The following MRGPRX2 variants were observed in gnomAD, a reference collection of about 807,000 sequenced individuals.
MRGPRX2 encodes the protein MAS related GPR family member X2.
For missense variants in MRGPRX2, 389 were observed against 404.5 expected, an observed-to-expected ratio of 0.96 and a Z score of 0.33; for synonymous variants, 183 against 175.6, an observed-to-expected ratio of 1.04 and a Z score of -0.33.
chr11:19,056,360 C>T lies in MRGPRX2; in HGVS notation c.43G>A (p.Val15Met). The stretch of plus-strand genomic sequence containing the variant: ...AGAAGGGCTTGGTCATTTCCATTCA[C>T]TGTTGTACTTTCTGTTCCCCAGGCC... Reference protein sequence around the residue: ...TPAWGTESTTVNGNDQALLLL... With the variant: ...TPAWGTESTTMNGNDQALLLL... Residue 15 changes from valine (V) to methionine (M), a missense_variant, in exon 2 of 2, where the codon GTG becomes ATG. Coordinates refer to ENST00000329773, the MANE Select transcript of MRGPRX2 (RefSeq NM_054030.4). 1 of 1,614,018 alleles carries T rather than the reference C, an allele frequency of 6.2e-7. No individual in the cohort carries two copies. The highest frequency in any genetic ancestry group is 8.5e-7 in the Non-Finnish European group (1 of 1,179,872).
At chr11:19,057,108 A>AATGC (rs1351389837) in intron 1 of MRGPRX2, among the ~76,000 whole-genome samples, 2 of 152,146 alleles carry the variant, frequency 1.3e-5, no homozygotes, top group African/African-American at 2.4e-5. Flanking sequence ...TGAATGAATG[A>AATGC]ATGCATGCAT....
At position 19,054,786 on chromosome 11, in the gene MRGPRX2, A is replaced by G. The variant is rs1164583743; in HGVS notation, c.*624T>C. Reference sequence around the variant, plus strand: ...TGACATTGATTTATCTAATTATAAAACTTAATTTCATGTTTGCAAAATTCA... The same window carrying G: ...TGACATTGATTTATCTAATTATAAAGCTTAATTTCATGTTTGCAAAATTCA... On this transcript the variant is annotated 3_prime_UTR_variant, in exon 2 of 2. Transcript: ENST00000329773. The G allele has an allele frequency of 6.6e-6, 1 of 152,242 alleles. No individual in the cohort carries two copies. Among genetic ancestry groups the G allele is most frequent in the Non-Finnish European group, 1.5e-5 (1 of 68,044 alleles). 9.4% of individuals were successfully genotyped at this position (152,242 alleles called of 1,614,324 possible).
At chr11:19,056,790 T>A (rs767032344) in intron 1 of MRGPRX2, among the ~76,000 whole-genome samples, 2 of 152,158 alleles carry the variant, frequency 1.3e-5, no homozygotes, top group Non-Finnish European at 2.9e-5. Flanking sequence ...ATTCTTTTTA[T>A]CCTGGCATAC....
In MRGPRX2 at chr11:19,054,611, T is replaced by C. The variant is rs753705512; in HGVS notation, c.*799A>G. On this transcript the variant is annotated 3_prime_UTR_variant, in exon 2 of 2. Coordinates refer to ENST00000329773, the MANE Select transcript of MRGPRX2 (RefSeq NM_054030.4). Reference sequence around the variant, plus strand: ...TGGAGTCTATAAGACCACTGGAAACTTCCAGGACGAATTAGAGAGCCCCCA... The same window carrying C: ...TGGAGTCTATAAGACCACTGGAAACCTCCAGGACGAATTAGAGAGCCCCCA... 6.6e-6 allele frequency: 1 copy of C among 152,066 alleles called. No homozygotes were observed. Among genetic ancestry groups the C allele is most frequent in the Non-Finnish European group, 1.5e-5 (1 of 68,010 alleles). The allele number at this position is 152,066 out of a possible 1,614,324, so 9.4% of individuals were successfully genotyped here. A position where few individuals can be genotyped will look rare whatever the true frequency, so the allele number is the denominator to read the frequency against.
chr11:19,056,419 C>T lies in MRGPRX2; in HGVS notation c.-17G>A. The stretch of plus-strand genomic sequence containing the variant: ...TGGATCCATGCTCAGAAAACCTCCA[C>T]TGGTGCCCCTGGAAACAAAAACAAG... On this transcript the variant is annotated 5_prime_UTR_variant, in exon 2 of 2. The change creates a new upstream start codon in the 5' untranslated region. Coordinates refer to ENST00000329773, the MANE Select transcript of MRGPRX2 (RefSeq NM_054030.4). 6.3e-7 allele frequency: 1 copy of T among 1,592,472 alleles called. No homozygotes were observed. The highest frequency in any genetic ancestry group is 8.6e-7 in the Non-Finnish European group (1 of 1,166,884).
intron 1 of MRGPRX2, among the ~76,000 whole-genome samples, chr11:19,059,945 G>A (rs1849654144): frequency 6.6e-6 from 1 of 152,178 alleles, no homozygotes; most frequent in Admixed American, 6.5e-5. Context: ...GCCCTGAAGG[G>A]CTGTGAGTTG....
rs7126313 is a variant in MRGPRX2, at chr11:19,054,884, A to G, written c.*526T>C. On this transcript the variant is annotated 3_prime_UTR_variant, in exon 2 of 2. Coordinates refer to ENST00000329773, the MANE Select transcript of MRGPRX2 (RefSeq NM_054030.4). ...GACTTTTCAGAGGTTTAACTTAAAC[A>G]TTAACCAGTTTATTCATTCATTAAG... 41,080 of 152,192 alleles carry G rather than the reference A, an allele frequency of 0.27. 5,628 individuals are homozygous for G. The highest frequency in any genetic ancestry group is 0.3 in the African/African-American group (12,438 of 41,470). The allele number at this position is 152,192 out of a possible 1,614,324, so 9.4% of individuals were successfully genotyped here.
intron 1 of MRGPRX2, among the ~76,000 whole-genome samples, chr11:19,059,837 A>T (rs548354866): frequency 6.6e-6 from 1 of 152,276 alleles, no homozygotes; most frequent in African/African-American, 2.4e-5. Flanking sequence ...GTACACATTG[A>T]CAGGAGATTG....
rs1161915406 is a variant in MRGPRX2 at position 19,056,150 on chromosome 11, T to C, written c.253A>G (p.Asn85Asp). The C allele has an allele frequency of 8.1e-6, 13 of 1,613,936 alleles. No homozygotes were observed. In the East Asian group the frequency reaches 2.7e-4, roughly 33 times the overall value. ...AAGTTACTGAGGTACACCAGGCAAT[T>C]TATAATCTGGAAGCAGAGGAAGAGG... is the stretch of plus-strand genomic sequence containing the variant. ...DFLFLCFQII[N>D]CLVYLSNFFC... is the part of the protein sequence containing the mutation. The change falls in exon 2 of 2, where the codon AAT (asparagine) becomes GAT (aspartate). Residue 85 changes from asparagine (N) to aspartate (D), a missense_variant. Coordinates refer to ENST00000329773, the MANE Select transcript of MRGPRX2 (RefSeq NM_054030.4).
rs1470689589 is a variant in MRGPRX2, at chr11:19,056,221, C to G, written c.182G>C (p.Arg61Thr). The change falls in exon 2 of 2, where the codon AGG becomes ACG. Residue 61 changes from arginine to threonine, a missense_variant. Coordinates refer to ENST00000329773, the MANE Select transcript of MRGPRX2 (RefSeq NM_054030.4). ...VLWLLGFRMR[R>T]NAFSVYVLSL... ...GAGGACGTAGACAGAGAAGGCGTTC[C>G]TGCGCATGCGGAAGCCCAGGAGCCA... The G allele has an allele frequency of 6.2e-7, 1 of 1,614,024 alleles. No individual in the cohort carries two copies.
At position 19,055,803 on chromosome 11, in the gene MRGPRX2, C is replaced by T; in HGVS notation, c.600G>A (p.Gly200=). 1 of 1,614,098 alleles carries T rather than the reference C, an allele frequency of 6.2e-7. No homozygotes were observed. The highest frequency in any genetic ancestry group is 1.7e-5 in the Admixed American group (1 of 60,020). Residue 200 remains glycine, a synonymous_variant, in exon 2 of 2, where the codon GGG becomes GGA. Coordinates refer to ENST00000329773, the MANE Select transcript of MRGPRX2 (RefSeq NM_054030.4). Reference sequence around the variant, plus strand: ...TCCTGACCAGCAGGGCCAGACTGGACCCACAGAGAACCATGAATAAAAAAA... The same window carrying T: ...TCCTGACCAGCAGGGCCAGACTGGATCCACAGAGAACCATGAATAAAAAAA... ...WLIFLFMVLC[G]SSLALLVRIL...
chr11:19,055,430 A>G lies in MRGPRX2; in HGVS notation c.973T>C (p.Ser325Pro). 1 of 1,606,256 alleles carries G rather than the reference A, an allele frequency of 6.2e-7. No individual in the cohort carries two copies. The highest frequency in any genetic ancestry group is 1.1e-5 in the South Asian group (1 of 90,968). The change falls in exon 2 of 2, where the codon TCG (serine) becomes CCG (proline). Residue 325 changes from serine (S) to proline (P), a missense_variant. By Grantham distance (74) the Ser-to-Pro change is moderately conservative (BLOSUM62 -1). Coordinates refer to ENST00000329773, the MANE Select transcript of MRGPRX2 (RefSeq NM_054030.4). The part of the protein sequence containing the change: ...GCFRQGTPEM[S>P]RSSLV The stretch of plus-strand genomic sequence containing the variant: ...CATCTCTACACCAGACTGCTTCTCG[A>G]CATCTCCGGGGTGCCCTGACGGAAG...
Position 19,056,250 on chromosome 11 carries a change from C to A in MRGPRX2, c.153G>T (p.Val51=), listed in dbSNP as rs1164537074. The stretch of plus-strand genomic sequence containing the variant: ...GCATGCGGAAGCCCAGGAGCCAGAG[C>A]ACAAACCCGTTTCCTACCAGCCCGA... The part of the protein sequence containing the change: ...ALVGLVGNGF[V]LWLLGFRMRR... The change falls in exon 2 of 2, where the codon GTG becomes GTT. Residue 51 remains valine, a synonymous_variant. Coordinates refer to ENST00000329773, the MANE Select transcript of MRGPRX2 (RefSeq NM_054030.4). The A allele has an allele frequency of 3.1e-6, 5 of 1,614,024 alleles. No homozygotes were observed. In the African/African-American group the frequency reaches 4.0e-5, roughly 13 times the overall value.
rs769644095 is a variant in MRGPRX2, at chr11:19,055,963, G to A, written c.440C>T (p.Ala147Val). 6.8e-6 allele frequency: 11 copies of A among 1,614,070 alleles called. No homozygotes were observed. In the Middle Eastern group the frequency reaches 4.9e-4, roughly 72 times the overall value. Residue 147 changes from alanine to valine, a missense_variant, in exon 2 of 2, where the codon GCG becomes GTG. By Grantham distance (64) the Ala-to-Val change is moderately conservative. Coordinates refer to ENST00000329773, the MANE Select transcript of MRGPRX2 (RefSeq NM_054030.4). The stretch of plus-strand genomic sequence containing the variant: ...GGCCCAGAGCAGGACACACACGACC[G>A]CTGACAGGTGTCTGGGGCGGCGGCA... ...YRCRRPRHLS[A>V]VVCVLLWALS... is the part of the protein sequence containing the mutation.
At chr11:19,060,137 A>G (rs1849656048) in intron 1 of MRGPRX2, among the ~76,000 whole-genome samples, 1 of 152,160 alleles carries the variant, frequency 6.6e-6, no homozygotes, top group South Asian at 2.1e-4. Flanking sequence ...CTTGCCTTTG[A>G]GGGCTTCATC....
At position 19,055,881 on chromosome 11, in the gene MRGPRX2, A is replaced by G. The variant is rs751182644; in HGVS notation, c.522T>C (p.Asp174=). The change falls in exon 2 of 2, where the codon GAT becomes GAC. Residue 174 remains aspartate (D), a synonymous_variant. Transcript: ENST00000329773. ...ATGTCTGACACCAACCAGAGTCACC[A>G]TCACTAAATAAGAAGCCACAGAACT... The part of the protein sequence containing the change: ...EGKFCGFLFS[D]GDSGWCQTFD... 1 of 1,614,194 alleles carries G rather than the reference A, an allele frequency of 6.2e-7. No homozygotes were observed. The highest frequency in any genetic ancestry group is 8.5e-7 in the Non-Finnish European group (1 of 1,180,034).
intron 1 of MRGPRX2, 86 bp downstream of exon 1, chr11:19,060,529 CTTCT>C (rs1849659921): frequency 6.6e-6 from 1 of 151,716 alleles, no homozygotes; most frequent in Non-Finnish European, 1.5e-5. Flanking sequence ...AGCTTCCTGT[CTTCT>C]TTTCCTAATG....
In MRGPRX2 at chr11:19,058,026, G is replaced by C. The variant is rs1389018870; in HGVS notation, c.-25-1599C>G. On this transcript the variant is annotated intron_variant, in intron 1 of 1. Coordinates refer to ENST00000329773, the MANE Select transcript of MRGPRX2 (RefSeq NM_054030.4). Reference sequence around the variant, plus strand: ...TAATGCTCATATCAAATCCAAAATGGAATGTCGAAATTGCAGTTTTTTAAG... The same window carrying C: ...TAATGCTCATATCAAATCCAAAATGCAATGTCGAAATTGCAGTTTTTTAAG... 3.3e-5 allele frequency among the ~76,000 whole-genome samples: 5 copies of C among 152,274 alleles called. No homozygotes were observed. The East Asian group carries it at 9.7e-4, about 29-fold the overall frequency.
In MRGPRX2 at chr11:19,055,341, T is replaced by C; in HGVS notation, c.*69A>G. 6.7e-7 allele frequency: 1 copy of C among 1,493,364 alleles called. No individual in the cohort carries two copies. The highest frequency in any genetic ancestry group is 2.3e-5 in the East Asian group (1 of 43,884). The allele number at this position is 1,493,364 out of a possible 1,614,324, so 92.5% of individuals were successfully genotyped here. A position where few individuals can be genotyped will look rare whatever the true frequency, so the allele number is the denominator to read the frequency against. On this transcript the variant is annotated 3_prime_UTR_variant, in exon 2 of 2. Transcript: ENST00000329773. ...ATCAGGACTGAGAAAGTTCAGCAAA[T>C]CAGACAGACAGGGGCAAAGTTGCCT...
Sources: allele counts gnomAD v4.1 joint callset (sites outside exome capture counted in the v4.1 genomes callset), GRCh38; gene constraint gnomAD v4.1.1; transcripts MANE v1.5; gene names NCBI Gene and HGNC (gene_info 2026-07-23, HGNC 2026-07-21).